The following HDGFL3 variants were observed in gnomAD, a reference collection of about 807,000 sequenced individuals.
HDGFL3 encodes hepatoma-derived growth factor-related protein 3.
A neutral mutation model predicts 27.6 loss-of-function variants in HDGFL3; 6 were observed. The observed-to-expected ratio is 0.22, with a 90% CI of 0.12 to 0.43. The LOEUF (loss-of-function observed/expected upper bound fraction) is 0.43. Ranked by LOEUF, HDGFL3 falls within the 20% of genes least tolerant of loss-of-function variation. The pLI is 1.00. For synonymous variants in HDGFL3, 88 were observed against 88.9 expected, an observed-to-expected ratio of 0.99 and a Z score of 0.05; for missense variants, 207 against 250.1, an observed-to-expected ratio of 0.83 and a Z score of 1.16.
chr15:83,153,876 C>T (rs1256970573), intron 4 of HDGFL3, among the ~76,000 whole-genome samples: 2 of 152,010 alleles, frequency 1.3e-5, no homozygotes, highest in South Asian at 2.1e-4. Context: ...GATTACTGAG[C>T]GTTTTCCTTA....
intron 1 of HDGFL3, among the ~76,000 whole-genome samples, chr15:83,203,408 T>C (rs1407378054): frequency 6.6e-6 from 1 of 152,088 alleles, no homozygotes; most frequent in Non-Finnish European, 1.5e-5. Context: ...TATACTGTGA[T>C]TTACTGCCAT....
chr15:83,155,264 C>G (rs2037014499), intron 4 of HDGFL3, among the ~76,000 whole-genome samples: 2 of 152,216 alleles, frequency 1.3e-5, no homozygotes, highest in Non-Finnish European at 2.9e-5. Context: ...CTAAGTGTGT[C>G]TTTACCCTTT....
exon 4 of HDGFL3, chr15:83,113,375 C>T (rs1265437044): frequency 6.3e-6 from 1 of 157,662 alleles, no homozygotes; most frequent in Non-Finnish European, 1.4e-5. Flanking sequence ...TAGCAGCAGG[C>T]TTTCACCTAA....
chr15:83,176,652 T>C (rs1333329012), intron 1 of HDGFL3, among the ~76,000 whole-genome samples: 1 of 152,202 alleles, frequency 6.6e-6, no homozygotes, highest in Non-Finnish European at 1.5e-5. Flanking sequence ...CAAAGGCTTA[T>C]AGACTTTGGG....
At chr15:83,154,124 G>A (rs928732633) in intron 4 of HDGFL3, among the ~76,000 whole-genome samples, 5 of 151,434 alleles carry the variant, frequency 3.3e-5, no homozygotes, top group Non-Finnish European at 5.9e-5. Context: ...AGACCAGCCT[G>A]GGCAACATGA....
intron 4 of HDGFL3, among the ~76,000 whole-genome samples, chr15:83,156,250 G>C (rs2037027657): frequency 6.6e-6 from 1 of 152,096 alleles, no homozygotes; most frequent in South Asian, 2.1e-4. Flanking sequence ...TGAGGTCTCA[G>C]CATAAACTAC....
chr15:83,116,091 C>T, intron 3 of HDGFL3: 1 of 643,810 alleles, frequency 1.6e-6, no homozygotes, highest in South Asian at 2.0e-5. Flanking sequence ...CGCTTAGTCA[C>T]ATGGAAAGTG....
At chr15:83,150,505 G>A (rs2036950339) in intron 5 of HDGFL3, among the ~76,000 whole-genome samples, 1 of 151,980 alleles carries the variant, frequency 6.6e-6, no homozygotes, top group Non-Finnish European at 1.5e-5. Context: ...AGAGTTGAGA[G>A]GTAAACAGGA....
chr15:83,151,024 T>G (rs1596548730), intron 5 of HDGFL3, among the ~76,000 whole-genome samples, 191 bp downstream of exon 5: 1 of 152,204 alleles, frequency 6.6e-6, no homozygotes, highest in African/African-American at 2.4e-5. Flanking sequence ...GCAGGTATAA[T>G]TCTCACTTGG....
chr15:83,122,843 A>C (rs781606916), downstream of HDGFL3: 9 of 1,613,946 alleles, frequency 5.6e-6, no homozygotes, highest in Non-Finnish European at 7.6e-6. Flanking sequence ...CAGAATCTAT[A>C]ATCAGCCATC....
chr15:83,114,482 T>A (rs2034475150), exon 4 of HDGFL3: 1 of 152,232 alleles, frequency 6.6e-6, no homozygotes, highest in Admixed American at 6.5e-5. Flanking sequence ...GGAAAATGAG[T>A]ATCAGGAAGT....
intron 1 of HDGFL3, among the ~76,000 whole-genome samples, chr15:83,179,621 A>T (rs2037355027): frequency 6.6e-6 from 1 of 152,228 alleles, no homozygotes; most frequent in Admixed American, 6.5e-5. Context: ...AGTCCAATCA[A>T]ATCTCTGCTT....
In HDGFL3 at chr15:83,164,101, A is replaced by C. The variant is rs139918342; in HGVS notation, c.85-26T>G. 1,745 of 1,410,328 alleles carry C rather than the reference A, an allele frequency of 1.2e-3. 2 individuals carry two copies. In the Middle Eastern group the frequency reaches 0.015, roughly 12 times the overall value. 87.4% of individuals were successfully genotyped at this position (1,410,328 alleles called of 1,614,324 possible). A position where few individuals can be genotyped will look rare whatever the true frequency, so the allele number is the denominator to read the frequency against. ...CTATGAAAGATACATTTAGTTACTG[A>C]GTGAGTGGTTATCATAAATACAATG... is the stretch of plus-strand genomic sequence containing the variant. On this transcript the variant is annotated intron_variant, in intron 1 of 5. Coordinates refer to ENST00000299633, the MANE Select transcript of HDGFL3 (RefSeq NM_016073.4).
At position 83,127,913 on chromosome 15, in the gene HDGFL3, T is replaced by C. The variant is rs1409832972; in HGVS notation, c.*11357A>G. 2 of 160,814 alleles carry C rather than the reference T, an allele frequency of 1.2e-5. No individual in the cohort carries two copies. Among genetic ancestry groups the C allele is most frequent in the Non-Finnish European group, 2.7e-5 (2 of 74,178 alleles). The allele number at this position is 160,814 out of a possible 1,614,324, so 10.0% of individuals were successfully genotyped here. On this transcript the variant is annotated 3_prime_UTR_variant, in exon 6 of 6. Coordinates refer to ENST00000299633, the MANE Select transcript of HDGFL3 (RefSeq NM_016073.4). ...GAACCAGGGAAACTGGTTTAAAAAA[T>C]GTTCTGGGCCTGTCATTTCATTCCT...
At chr15:83,198,263 C>T (rs1339676502) in intron 1 of HDGFL3, among the ~76,000 whole-genome samples, 1 of 151,970 alleles carries the variant, frequency 6.6e-6, no homozygotes, top group African/African-American at 2.4e-5. Flanking sequence ...ACTGTGGCTA[C>T]AGCAGAATAA....
chr15:83,177,434 C>A lies in HDGFL3; in HGVS notation c.85-13359G>T, dbSNP rs193237585. On this transcript the variant is annotated intron_variant, in intron 1 of 5. Transcript: ENST00000299633. ...TTTTGAACTTCTTATATAAGGTCCA[C>A]TGTTAAGCTAGTATTACTTCCATTT... is the stretch of plus-strand genomic sequence containing the variant. Among the ~76,000 whole-genome samples the A allele has an allele frequency of 2.0e-3, 306 of 152,258 alleles. 6 individuals carry two copies. The highest frequency in any genetic ancestry group is 0.018 in the Admixed American group (283 of 15,298).
rs192704860 is a variant in HDGFL3 at position 83,160,331 on chromosome 15, C to T, written c.162-2290G>A. Among the ~76,000 whole-genome samples, 168 of 152,090 alleles carry T rather than the reference C, an allele frequency of 1.1e-3. 2 individuals are homozygous for T. Among genetic ancestry groups the T allele is most frequent in the South Asian group, 7.3e-3 (35 of 4,818 alleles). Reference sequence around the variant, plus strand: ...CCTCCTGAGGACCTGGGATTATAGGCACATGCCACCATACCCAGTTAATTT... The same window carrying T: ...CCTCCTGAGGACCTGGGATTATAGGTACATGCCACCATACCCAGTTAATTT... On this transcript the variant is annotated intron_variant, in intron 2 of 5. Transcript: ENST00000299633.
At chr15:83,113,057 T>C in exon 4 of HDGFL3, 2 of 654,086 alleles carry the variant, frequency 3.1e-6, no homozygotes. Flanking sequence ...CCCTCGCCTC[T>C]GGCTATTGCC....
chr15:83,163,961 T>C, intron 2 of HDGFL3, 38 bp downstream of exon 2: 1 of 1,310,718 alleles, frequency 7.6e-7, no homozygotes, highest in Non-Finnish European at 1.1e-6. Flanking sequence ...CATAGCAGAG[T>C]CAAGCTAGAG....
Sources: gnomAD v4.1 joint callset for allele counts (sites outside exome capture counted in the v4.1 genomes callset) on GRCh38, gnomAD v4.1.1 for gene constraint, MANE v1.5 for transcripts, NCBI Gene and HGNC (gene_info 2026-07-23, HGNC 2026-07-21) for gene names.